NPC1: variants seen among roughly 807,000 people sequenced by gnomAD.
The protein encoded by NPC1 is NPC intracellular cholesterol transporter 1.
Under a neutral mutation model 140.4 loss-of-function variants are expected in NPC1, and 85 were observed. The ratio of observed to expected loss-of-function variants is 0.61; its 90% CI spans 0.51 to 0.72. The LOEUF is 0.72. NPC1 is among the 30% of genes least tolerant of loss of function. NPC1 has a pLI of 0.00. For synonymous variants in NPC1, 656 were observed against 624.8 expected, an observed-to-expected ratio of 1.05 and a Z score of -0.74; for missense variants, 1,504 against 1,623.8, an observed-to-expected ratio of 0.93 and a Z score of 1.27.
Position 23,539,458 on chromosome 18 carries a change from GC to G in NPC1, c.2807del (p.Gly936AlafsTer15). ...CGTCGATCCAGGACGAGGGGGCGAA[GC>G]CTATTCGGGTACTAGAGAGGACAGA... Reference protein sequence around the residue: ...AAQLDNYTRIGFAPSSWIDDY... With the variant: ...AAQLDNYTRIXFAPSSWIDDY... On this transcript the variant is annotated frameshift_variant, in exon 19 of 25. Transcript: ENST00000269228. LOFTEE classifies it high-confidence loss of function. 6.2e-7 allele frequency: 1 copy of G among 1,612,376 alleles called. No individual in the cohort carries two copies. Among genetic ancestry groups the G allele is most frequent in the Non-Finnish European group, 8.5e-7 (1 of 1,178,834 alleles).
exon 2 of NPC1, chr18:23,522,708 C>T (rs529509987): frequency 6.6e-6 from 1 of 152,326 alleles, no homozygotes; most frequent in East Asian, 1.9e-4. Context: ...AGTAACAGCC[C>T]GTGCAGAGAT....
downstream of NPC1, chr18:23,531,406 C>T (rs572294182): frequency 6.6e-5 from 58 of 875,086 alleles, no homozygotes; most frequent in African/African-American, 2.5e-4. Flanking sequence ...CAATGTAAGA[C>T]GGCATTTAGT....
intron 1 of NPC1, 82 bp from the exon 2 acceptor site, chr18:23,573,656 C>T (rs1209340036): frequency 1.1e-5 from 17 of 1,546,770 alleles, no homozygotes; most frequent in Non-Finnish European, 1.5e-5. Context: ...CAAGTACAAT[C>T]ACAGAAACTT....
intron 10 of NPC1, 32 bp from the exon 11 acceptor site, chr18:23,548,140 G>C: frequency 1.5e-6 from 2 of 1,315,600 alleles, no homozygotes; most frequent in South Asian, 2.4e-5. Flanking sequence ...TCAAAAAGCA[G>C]ATTACAAGCA....
chr18:23,539,694 A>C, intron 18 of NPC1, 117 bp downstream of exon 18: 1 of 1,221,212 alleles, frequency 8.2e-7, no homozygotes, highest in Non-Finnish European at 1.2e-6. Flanking sequence ...TACATTTTGC[A>C]TAAAAACAAC....
At chr18:23,506,885 A>G in intron 3 of NPC1, 1 of 954,724 alleles carries the variant, frequency 1.0e-6, no homozygotes, top group Non-Finnish European at 1.6e-6. Context: ...CCTCCTGAAT[A>G]TAGATTGTGT....
chr18:23,532,924 CGAGAT>C (rs1296153205), intron 24 of NPC1: 5 of 985,160 alleles, frequency 5.1e-6, no homozygotes, highest in Non-Finnish European at 6.0e-6. Context: ...AGGACAGTCT[CGAGAT>C]GAAGAAAGGC....
intron 11 of NPC1, among the ~76,000 whole-genome samples, chr18:23,546,000 G>A (rs1158411593): frequency 1.3e-5 from 2 of 152,138 alleles, no homozygotes; most frequent in Non-Finnish European, 1.5e-5. Context: ...TGTAATTCCA[G>A]CACTTTGGGA....
intron 8 of NPC1, among the ~76,000 whole-genome samples, chr18:23,555,510 C>T (rs1459934511): frequency 1.3e-5 from 2 of 152,208 alleles, no homozygotes; most frequent in Non-Finnish European, 2.9e-5. Flanking sequence ...AGAAAAGATT[C>T]AAGTCTTGGG....
chr18:23,544,254 G>T, intron 13 of NPC1, 90 bp downstream of exon 13: 2 of 1,256,140 alleles, frequency 1.6e-6, no homozygotes, highest in Non-Finnish European at 2.3e-6. Context: ...CACCCTCACA[G>T]GTCACACTCA....
intron 20 of NPC1, among the ~76,000 whole-genome samples, chr18:23,537,097 C>T (rs534620314): frequency 3.9e-5 from 6 of 152,072 alleles, no homozygotes; most frequent in African/African-American, 1.4e-4. Context: ...GAGACAGAGT[C>T]TTGCTCTGTA....
In NPC1 at chr18:23,532,193, G is replaced by A. The variant is rs2058533373; in HGVS notation, c.*9C>T. On this transcript the variant is annotated 3_prime_UTR_variant, in exon 25 of 25. Coordinates refer to ENST00000269228, the MANE Select transcript of NPC1 (RefSeq NM_000271.5). The stretch of plus-strand genomic sequence containing the variant: ...AGACACAGTTCAGTCAGGATGCCCT[G>A]CGAGAGGGCTAGAAATTTAGAAGCC... The A allele has an allele frequency of 4.3e-6, 7 of 1,614,118 alleles. No homozygotes were observed. The highest frequency in any genetic ancestry group is 5.9e-6 in the Non-Finnish European group (7 of 1,180,034).
chr18:23,567,219 G>C (rs1368673861), intron 4 of NPC1, among the ~76,000 whole-genome samples: 1 of 152,184 alleles, frequency 6.6e-6, no homozygotes, highest in African/African-American at 2.4e-5. Context: ...AGTTTTGTAA[G>C]AAACCGCTAA....
At chr18:23,541,671 C>A (rs1811239682) in intron 14 of NPC1, among the ~76,000 whole-genome samples, 1 of 152,226 alleles carries the variant, frequency 6.6e-6, no homozygotes, top group Non-Finnish European at 1.5e-5. Flanking sequence ...GACAGGAATT[C>A]AACCCCAATT....
At chr18:23,521,345 C>T (rs571073445), downstream of NPC1, among the ~76,000 whole-genome samples, 13 of 152,324 alleles carry the variant, frequency 8.5e-5, no homozygotes, top group Middle Eastern at 3.4e-3. Context: ...TGAATACACC[C>T]GTAACGTTTT....
At chr18:23,521,009 C>T (rs1228228014), downstream of NPC1, among the ~76,000 whole-genome samples, 4 of 152,140 alleles carry the variant, frequency 2.6e-5, no homozygotes, top group Non-Finnish European at 4.4e-5. Context: ...TGAGCCACCA[C>T]GCCTGGCCCA....
intron 3 of NPC1, among the ~76,000 whole-genome samples, chr18:23,513,768 T>C (rs1039088262): frequency 2.6e-5 from 4 of 152,236 alleles, no homozygotes; most frequent in African/African-American, 9.6e-5. Context: ...TTGCGCTCTT[T>C]GTTGATTAGT....
chr18:23,519,090 G>A (rs1400962466), downstream of NPC1: 4 of 1,614,160 alleles, frequency 2.5e-6, no homozygotes, highest in Non-Finnish European at 3.4e-6. Flanking sequence ...GTAAAAAGAT[G>A]CACATATTGA....
intron 9 of NPC1, among the ~76,000 whole-genome samples, chr18:23,553,696 GGCCC>G (rs2058907617): frequency 6.6e-6 from 1 of 152,190 alleles, no homozygotes; most frequent in Non-Finnish European, 1.5e-5. Flanking sequence ...AGGGAGAGTA[GGCCC>G]ATCCGGCATC....
Sources: allele counts gnomAD v4.1 joint callset (sites outside exome capture counted in the v4.1 genomes callset), GRCh38; gene constraint gnomAD v4.1.1; transcripts MANE v1.5; gene names NCBI Gene and HGNC (gene_info 2026-07-23, HGNC 2026-07-21).